SAMD12: variants seen among roughly 807,000 people sequenced by gnomAD.
The protein encoded by SAMD12 is sterile alpha motif domain containing 12.
In SAMD12, 9 loss-of-function variants were observed where a neutral mutation model predicts 15.0. That is an observed-to-expected ratio of 0.60 (90% CI 0.36 to 1.05). The LOEUF is 1.05. Ranked by LOEUF, SAMD12 falls within the 50% of genes least tolerant of loss-of-function variation. The pLI is 0.01. For synonymous variants in SAMD12, 86 were observed against 90.1 expected, an observed-to-expected ratio of 0.96 and a Z score of 0.25; for missense variants, 230 against 234.2, an observed-to-expected ratio of 0.98 and a Z score of 0.12.
chr8:118,133,707 C>T, the SAMD12 span, among the ~76,000 whole-genome samples: 2 of 147,246 alleles, frequency 1.4e-5, no homozygotes, highest in Non-Finnish European at 3.0e-5. Context: ...AACAGCAAGA[C>T]TTTTTTTTTT....
Position 118,379,500 on chromosome 8 carries a change from G to A in SAMD12, c.523C>T (p.Leu175=). The change falls in exon 4 of 4, where the codon CTA becomes TTA. Residue 175 remains leucine, a synonymous_variant. Coordinates refer to ENST00000314727, the MANE Select transcript of SAMD12 (RefSeq NM_207506.3). ...DGEIRRKTTL[L]LGQTGVRENL... is the part of the protein sequence containing the mutation. ...TCCCTGACTCCTGTCTGTCCTAATA[G>A]TAAGGTGGTCTTTCTTCTAATCTCC... 1 of 1,613,822 alleles carries A rather than the reference G, an allele frequency of 6.2e-7. No homozygotes were observed.
At chr8:118,171,096 G>T in the SAMD12 span, among the ~76,000 whole-genome samples, 4 of 152,208 alleles carry the variant, frequency 2.6e-5, no homozygotes, top group Non-Finnish European at 5.9e-5. Context: ...TAGTCATTCT[G>T]CAAATGTAAA....
exon 5 of SAMD12, chr8:118,197,573 G>A: frequency 1.2e-6 from 1 of 816,870 alleles, no homozygotes; most frequent in Non-Finnish European, 2.2e-6. Context: ...CTGAATGGGT[G>A]CTTTTTTCAG....
intron 4 of SAMD12, among the ~76,000 whole-genome samples, chr8:118,239,012 A>G (rs1812502910): frequency 6.6e-6 from 1 of 152,186 alleles, no homozygotes; most frequent in Non-Finnish European, 1.5e-5. Flanking sequence ...TCTGTGAACC[A>G]GAAGTACCTG....
At chr8:118,137,911 T>C in the SAMD12 span, among the ~76,000 whole-genome samples, 43 of 132,772 alleles carry the variant, frequency 3.2e-4, no homozygotes, top group African/African-American at 1.2e-3. Flanking sequence ...ATATTAAAAA[T>C]ACACATGAGA....
intron 3 of SAMD12, among the ~76,000 whole-genome samples, chr8:118,387,827 A>G (rs1455313844): frequency 6.6e-6 from 1 of 152,220 alleles, no homozygotes; most frequent in African/African-American, 2.4e-5. Flanking sequence ...CTTAAATGCA[A>G]GCAGTGGGAA....
At chr8:118,243,583 T>C (rs1311417610) in intron 4 of SAMD12, among the ~76,000 whole-genome samples, 1 of 152,212 alleles carries the variant, frequency 6.6e-6, no homozygotes, top group Non-Finnish European at 1.5e-5. Flanking sequence ...ACTGTTATTT[T>C]CTTCTTTTGC....
At chr8:118,259,138 A>G (rs1053071033) in intron 4 of SAMD12, among the ~76,000 whole-genome samples, 9 of 152,122 alleles carry the variant, frequency 5.9e-5, no homozygotes, top group African/African-American at 2.2e-4. Context: ...ACAGAAGCAT[A>G]GTGGACTAGA....
intron 4 of SAMD12, among the ~76,000 whole-genome samples, chr8:118,260,832 T>C (rs565386902): frequency 6.6e-6 from 1 of 152,144 alleles, no homozygotes; most frequent in South Asian, 2.1e-4. Flanking sequence ...GACCAAGGAG[T>C]GGTAACAGCT....
chr8:118,516,725 G>A (rs1005226251), intron 2 of SAMD12, among the ~76,000 whole-genome samples: 2 of 150,228 alleles, frequency 1.3e-5, no homozygotes, highest in African/African-American at 4.9e-5. Context: ...TGCAACCTCC[G>A]CCTCCTGGGT....
intron 1 of SAMD12, among the ~76,000 whole-genome samples, chr8:118,581,512 G>GA (rs781404860): frequency 7.8e-4 from 118 of 151,972 alleles, no homozygotes; most frequent in Non-Finnish European, 8.4e-4. Flanking sequence ...ACATGGCAAA[G>GA]AAAAAAAAGC....
At chr8:118,271,023 C>G (rs1476354848) in intron 4 of SAMD12, among the ~76,000 whole-genome samples, 3 of 152,170 alleles carry the variant, frequency 2.0e-5, no homozygotes, top group African/African-American at 4.8e-5. Context: ...TATGTCTCTT[C>G]TTACAGAATT....
intron 4 of SAMD12, among the ~76,000 whole-genome samples, chr8:118,363,554 A>G (rs931906424): frequency 6.6e-6 from 1 of 152,146 alleles, no homozygotes; most frequent in Admixed American, 6.6e-5. Flanking sequence ...AGCTTTTGGA[A>G]TGAAACTCAC....
chr8:118,452,144 CA>C (rs1823103817), intron 2 of SAMD12, among the ~76,000 whole-genome samples: 1 of 143,602 alleles, frequency 7.0e-6, no homozygotes, highest in African/African-American at 2.9e-5. Context: ...AGACCCTCAC[CA>C]AAATCAAACC....
intron 2 of SAMD12, among the ~76,000 whole-genome samples, chr8:118,466,096 G>A (rs1009513710): frequency 3.9e-5 from 6 of 152,174 alleles, no homozygotes; most frequent in Admixed American, 6.5e-5. Context: ...TAACTAACAC[G>A]TAGCATAGTG....
intron 3 of SAMD12, among the ~76,000 whole-genome samples, chr8:118,438,048 C>T (rs1007233475): frequency 6.6e-6 from 1 of 152,162 alleles, no homozygotes; most frequent in Admixed American, 6.5e-5. Context: ...TGGTTACTAA[C>T]TGATTGATTA....
intron 4 of SAMD12, among the ~76,000 whole-genome samples, chr8:118,212,218 C>T (rs1357509105): frequency 6.6e-6 from 1 of 151,734 alleles, no homozygotes; most frequent in African/African-American, 2.4e-5. Context: ...CACTGTAGTC[C>T]CAAACTCCTG....
intron 2 of SAMD12, among the ~76,000 whole-genome samples, chr8:118,451,802 G>A (rs1823091468): frequency 6.6e-6 from 1 of 152,070 alleles, no homozygotes; most frequent in Admixed American, 6.6e-5. Flanking sequence ...GCATTCTTGG[G>A]CTTTAAAAGT....
intron 3 of SAMD12, among the ~76,000 whole-genome samples, chr8:118,421,267 C>T (rs980569610): frequency 4.6e-5 from 7 of 152,142 alleles, no homozygotes; most frequent in African/African-American, 1.7e-4. Context: ...ATATTATGCT[C>T]CTACTTATTT....
Sources: allele counts gnomAD v4.1 joint callset (sites outside exome capture counted in the v4.1 genomes callset), GRCh38; gene constraint gnomAD v4.1.1; transcripts MANE v1.5; gene names NCBI Gene and HGNC (gene_info 2026-07-23, HGNC 2026-07-21).